The following UBE2E2 variants were observed in gnomAD, a reference collection of about 807,000 sequenced individuals.
UBE2E2 encodes ubiquitin-conjugating enzyme E2 E2.
Under a neutral mutation model 24.7 loss-of-function variants are expected in UBE2E2, and 6 were observed. The observed-to-expected ratio is 0.24, with a 90% CI of 0.13 to 0.48. The LOEUF (loss-of-function observed/expected upper bound fraction) is 0.48, where lower values mean the gene tolerates loss of function less well. Among genes scored for constraint, UBE2E2 ranks in the 20% least tolerant of loss-of-function variants. The pLI is 0.99. For synonymous variants in UBE2E2, 104 were observed against 83.6 expected, an observed-to-expected ratio of 1.24 and a Z score of -1.33; for missense variants, 169 against 245.0, an observed-to-expected ratio of 0.69 and a Z score of 2.07.
chr3:23,389,551 T>G, intron 3 of UBE2E2: 1 of 205,572 alleles, frequency 4.9e-6, no homozygotes. Flanking sequence ...ACTGAGTCTT[T>G]GAAAATCTTC....
chr3:23,357,152 C>G (rs955637479), intron 3 of UBE2E2, among the ~76,000 whole-genome samples: 1 of 152,206 alleles, frequency 6.6e-6, no homozygotes, highest in East Asian at 1.9e-4. Flanking sequence ...TGGGGAAATA[C>G]AACCCTTGCA....
intron 1 of UBE2E2, among the ~76,000 whole-genome samples, chr3:23,207,925 CTAATT>C (rs1696195354): frequency 6.6e-6 from 1 of 152,052 alleles, no homozygotes; most frequent in Non-Finnish European, 1.5e-5. Context: ...TTATAATTAT[CTAATT>C]TAAGAACATT....
chr3:23,461,258 G>A (rs1459771538), intron 3 of UBE2E2, among the ~76,000 whole-genome samples: 1 of 152,092 alleles, frequency 6.6e-6, no homozygotes, highest in Non-Finnish European at 1.5e-5. Context: ...TTAAAAGGCA[G>A]CCACAAATCA....
At chr3:23,456,279 A>T (rs552661470) in intron 3 of UBE2E2, among the ~76,000 whole-genome samples, 62 of 152,208 alleles carry the variant, frequency 4.1e-4, no homozygotes, top group Non-Finnish European at 7.5e-4. Context: ...CATCCATGAG[A>T]GTTGGAATCA....
chr3:23,386,493 A>G (rs1696808315), intron 3 of UBE2E2, among the ~76,000 whole-genome samples: 1 of 152,222 alleles, frequency 6.6e-6, no homozygotes, highest in Non-Finnish European at 1.5e-5. Flanking sequence ...GAATGATTAC[A>G]GGTAGTTCGG....
intron 3 of UBE2E2, among the ~76,000 whole-genome samples, chr3:23,479,601 G>C (rs887655054): frequency 7.2e-5 from 11 of 152,180 alleles, no homozygotes; most frequent in Non-Finnish European, 1.3e-4. Flanking sequence ...CCATTTGGTG[G>C]GTCCCAAGTT....
chr3:23,317,277 A>G (rs995865970), intron 3 of UBE2E2, among the ~76,000 whole-genome samples: 3 of 152,316 alleles, frequency 2.0e-5, no homozygotes, highest in South Asian at 2.1e-4. Context: ...TGGTATGGGC[A>G]GTTCCCCTGT....
chr3:23,229,822 C>G (rs1696926306), intron 3 of UBE2E2, among the ~76,000 whole-genome samples: 1 of 152,128 alleles, frequency 6.6e-6, no homozygotes, highest in Non-Finnish European at 1.5e-5. Context: ...GTGACTAGTG[C>G]AACTAAATAA....
chr3:23,501,349 A>G (rs1409720552), intron 4 of UBE2E2, among the ~76,000 whole-genome samples: 1 of 152,132 alleles, frequency 6.6e-6, no homozygotes, highest in African/African-American at 2.4e-5. Flanking sequence ...CGCATTCTTG[A>G]CTTTCTCCAC....
intron 3 of UBE2E2, among the ~76,000 whole-genome samples, chr3:23,476,152 C>T (rs920667733): frequency 1.3e-5 from 2 of 152,072 alleles, no homozygotes; most frequent in African/African-American, 4.8e-5. Flanking sequence ...CCTTACCTAA[C>T]TTACTTTCCT....
chr3:23,395,642 T>C (rs1444858382), intron 3 of UBE2E2, among the ~76,000 whole-genome samples: 1 of 152,190 alleles, frequency 6.6e-6, no homozygotes, highest in African/African-American at 2.4e-5. Flanking sequence ...CCTCTTTTTT[T>C]ATTGTTAGTT....
intron 3 of UBE2E2, among the ~76,000 whole-genome samples, chr3:23,358,587 G>A (rs1235148313): frequency 6.6e-6 from 1 of 152,042 alleles, no homozygotes; most frequent in African/African-American, 2.4e-5. Context: ...AACAATCTGA[G>A]AATTAAATTC....
At chr3:23,549,378 A>G (rs956482779) in intron 5 of UBE2E2, among the ~76,000 whole-genome samples, 3 of 152,310 alleles carry the variant, frequency 2.0e-5, no homozygotes, top group African/African-American at 7.2e-5. Context: ...TATGATGCCT[A>G]TTGCTAGACT....
intron 3 of UBE2E2, among the ~76,000 whole-genome samples, chr3:23,270,474 A>G (rs1187195812): frequency 1.3e-5 from 2 of 152,092 alleles, no homozygotes; most frequent in Non-Finnish European, 2.9e-5. Context: ...GTTAGGGGAA[A>G]CACTCGTTCT....
intron 3 of UBE2E2, among the ~76,000 whole-genome samples, chr3:23,328,598 C>G (rs992351381): frequency 6.6e-6 from 1 of 151,380 alleles, no homozygotes; most frequent in Non-Finnish European, 1.5e-5. Flanking sequence ...TGGGATGTAA[C>G]ACCATTGTAA....
At chr3:23,437,842 A>C (rs1204080783) in intron 3 of UBE2E2, among the ~76,000 whole-genome samples, 1 of 152,190 alleles carries the variant, frequency 6.6e-6, no homozygotes, top group Non-Finnish European at 1.5e-5. Context: ...TGTGTGCCGC[A>C]CACAGGACAG....
In UBE2E2 at chr3:23,548,425, C is replaced by T. The variant is rs558138229; in HGVS notation, c.508+15724C>T. 3.9e-5 allele frequency among the ~76,000 whole-genome samples: 6 copies of T among 152,206 alleles called. No homozygotes were observed. In the East Asian group the frequency reaches 1.2e-3, roughly 29 times the overall value. On this transcript the variant is annotated intron_variant, in intron 5 of 5. Coordinates refer to ENST00000396703, the MANE Select transcript of UBE2E2 (RefSeq NM_152653.4). ...TTCCAGTACATACACATGCACAAACCCCACCTTCACCTCAGGCTTTGATTT... is the reference window on the plus strand; with the variant it reads ...TTCCAGTACATACACATGCACAAACTCCACCTTCACCTCAGGCTTTGATTT...
rs1694908240 is a variant in UBE2E2, at chr3:23,523,178, TTGCAAAAGA to T, written c.361-9375_361-9367del. 2.0e-5 allele frequency among the ~76,000 whole-genome samples: 3 copies of T among 152,330 alleles called. No homozygotes were observed. In the East Asian group the frequency reaches 5.8e-4, roughly 29 times the overall value. ...TCTATATAAACTGAATTTTTATAAA[TTGCAAAAGA>T]AGGAATCTGTTTGCCCCTTATCAAG... On this transcript the variant is annotated intron_variant, in intron 4 of 5. Transcript: ENST00000396703.
At chr3:23,568,455 G>A (rs1322479375) in intron 5 of UBE2E2, among the ~76,000 whole-genome samples, 1 of 151,654 alleles carries the variant, frequency 6.6e-6, no homozygotes, top group Non-Finnish European at 1.5e-5. Flanking sequence ...TTCGAGGTGG[G>A]AGTAGACAGA....
Sources: allele counts gnomAD v4.1 joint callset (sites outside exome capture counted in the v4.1 genomes callset), GRCh38; gene constraint gnomAD v4.1.1; transcripts MANE v1.5; gene names NCBI Gene and HGNC (gene_info 2026-07-23, HGNC 2026-07-21).